GPAM: variants seen among roughly 807,000 people sequenced by gnomAD.
The protein encoded by GPAM is glycerol-3-phosphate acyltransferase, mitochondrial, also known as glycerol-3-phosphate acyltransferase 1, mitochondrial.
A neutral mutation model predicts 105.0 loss-of-function variants in GPAM; 56 were observed. That is an observed-to-expected ratio of 0.53 (90% CI 0.43 to 0.67). The LOEUF (loss-of-function observed/expected upper bound fraction) is 0.67. GPAM is among the 30% of genes least tolerant of loss of function. The pLI is 0.00. For synonymous variants in GPAM, 368 were observed against 354.4 expected, an observed-to-expected ratio of 1.04 and a Z score of -0.43; for missense variants, 855 against 989.8, an observed-to-expected ratio of 0.86 and a Z score of 1.83.
upstream of GPAM, among the ~76,000 whole-genome samples, chr10:112,219,262 T>C (rs908211085): frequency 6.6e-5 from 10 of 152,024 alleles, no homozygotes; most frequent in Admixed American, 3.3e-4. Context: ...AAGCTCTCCA[T>C]GGGGGTAGAG....
chr10:112,152,845 G>T lies in GPAM; in HGVS notation c.*705C>A. ...TCTGGCCAAGTTTCCCTAGAATTTT[G>T]CCAGCCAAATTAACTTCCTGATGTT... is the stretch of plus-strand genomic sequence containing the variant. On this transcript the variant is annotated 3_prime_UTR_variant, in exon 22 of 22. Coordinates refer to ENST00000348367, the MANE Select transcript of GPAM (RefSeq NM_001244949.2). 6.8e-6 allele frequency: 2 copies of T among 294,142 alleles called. No homozygotes were observed. The highest frequency in any genetic ancestry group is 1.0e-5 in the Non-Finnish European group (2 of 197,956). 18.2% of individuals were successfully genotyped at this position (294,142 alleles called of 1,614,324 possible). A position where few individuals can be genotyped will look rare whatever the true frequency, so the allele number is the denominator to read the frequency against.
intron 1 of GPAM, among the ~76,000 whole-genome samples, chr10:112,209,097 C>T (rs1259859299): frequency 6.6e-6 from 1 of 152,260 alleles, no homozygotes; most frequent in Non-Finnish European, 1.5e-5. Flanking sequence ...CTCTATGGTC[C>T]GGTCACATTT....
At chr10:112,201,208 C>A (rs1262121026) in intron 1 of GPAM, among the ~76,000 whole-genome samples, 2 of 152,184 alleles carry the variant, frequency 1.3e-5, no homozygotes. Context: ...GGGCTTGCCA[C>A]AGCCAAGAGC....
At chr10:112,199,153 A>G (rs893822093) in intron 1 of GPAM, among the ~76,000 whole-genome samples, 2 of 149,286 alleles carry the variant, frequency 1.3e-5, no homozygotes, top group Non-Finnish European at 3.0e-5. Flanking sequence ...ATGGGGTTTC[A>G]CCATGTTGCC....
chr10:112,168,613 G>GA (rs1199889898), intron 10 of GPAM, 89 bp from the exon 11 acceptor site: 33 of 906,634 alleles, frequency 3.6e-5, no homozygotes, highest in Middle Eastern at 2.2e-4. Flanking sequence ...AAGCAAAACA[G>GA]AAAAAACGAT....
intron 18 of GPAM, 105 bp from the exon 19 acceptor site, chr10:112,157,494 T>C: frequency 9.7e-7 from 1 of 1,027,346 alleles, no homozygotes; most frequent in African/African-American, 1.6e-5. Context: ...CCTTCCTGGC[T>C]CTTCTCTGTT....
At chr10:112,163,376 G>A (rs924530872) in intron 14 of GPAM, among the ~76,000 whole-genome samples, 1 of 152,188 alleles carries the variant, frequency 6.6e-6, no homozygotes, top group African/African-American at 2.4e-5. Flanking sequence ...AAATCTAGAC[G>A]TTGTACCACA....
At position 112,181,702 on chromosome 10, in the gene GPAM, T is replaced by C. The variant is rs199636297; in HGVS notation, c.83A>G (p.Lys28Arg). 1.2e-6 allele frequency: 2 copies of C among 1,600,114 alleles called. No individual in the cohort carries two copies. Among genetic ancestry groups the C allele is most frequent in the African/African-American group, 1.3e-5 (1 of 74,756 alleles). Reference sequence around the variant, plus strand: ...ACTTACCCATTCCTCACTTGTGTGCTTACATCGACCAACACTGTATTCTGA... The same window carrying C: ...ACTTACCCATTCCTCACTTGTGTGCCTACATCGACCAACACTGTATTCTGA... The part of the protein sequence containing the change: ...HSSEYSVGRC[K>R]HTSEEWGECG... The change falls in exon 3 of 22, where the codon AAG becomes AGG. Residue 28 changes from lysine (K) to arginine (R), a missense_variant. Coordinates refer to ENST00000348367, the MANE Select transcript of GPAM (RefSeq NM_001244949.2).
chr10:112,192,529 G>T (rs1377163482), intron 1 of GPAM, among the ~76,000 whole-genome samples: 1 of 152,186 alleles, frequency 6.6e-6, no homozygotes, highest in African/African-American at 2.4e-5. Context: ...AGCAGGGCCT[G>T]GCCAAGACAG....
chr10:112,199,091 G>A (rs1397661598), intron 1 of GPAM, among the ~76,000 whole-genome samples: 1 of 93,856 alleles, frequency 1.1e-5, no homozygotes, highest in Non-Finnish European at 2.6e-5. Context: ...CCTGGCTAAT[G>A]TGTGTGTGTG....
chr10:112,200,337 G>A (rs1478447774), intron 1 of GPAM, among the ~76,000 whole-genome samples: 1 of 151,452 alleles, frequency 6.6e-6, no homozygotes, highest in Non-Finnish European at 1.5e-5. Context: ...GCCGAGATTG[G>A]AGTGCAGTGG....
chr10:112,165,524 T>C (rs995927106), intron 12 of GPAM, among the ~76,000 whole-genome samples: 1 of 152,168 alleles, frequency 6.6e-6, no homozygotes, highest in Non-Finnish European at 1.5e-5. Flanking sequence ...ACCCCGTCTC[T>C]ACTAAAAATA....
chr10:112,151,318 C>T lies in GPAM; in HGVS notation c.*2232G>A, dbSNP rs566098641. The T allele has an allele frequency of 1.0e-6, 1 of 983,762 alleles. No homozygotes were observed. The highest frequency in any genetic ancestry group is 1.2e-6 in the Non-Finnish European group (1 of 829,154). 60.9% of individuals were successfully genotyped at this position (983,762 alleles called of 1,614,324 possible). The stretch of plus-strand genomic sequence containing the variant: ...ATCTGGAAGCTTCATTGTGAAGATG[C>T]TTTCGTTTTTTTGTTTTTTGTTTTC... On this transcript the variant is annotated 3_prime_UTR_variant, in exon 22 of 22. Coordinates refer to ENST00000348367, the MANE Select transcript of GPAM (RefSeq NM_001244949.2).
At chr10:112,190,885 C>T (rs1400431843) in intron 1 of GPAM, among the ~76,000 whole-genome samples, 1 of 152,092 alleles carries the variant, frequency 6.6e-6, no homozygotes, top group African/African-American at 2.4e-5. Context: ...ACACGACAGA[C>T]ACAGACAACT....
chr10:112,168,005 A>T (rs1280526331), intron 11 of GPAM, among the ~76,000 whole-genome samples: 1 of 152,192 alleles, frequency 6.6e-6, no homozygotes, highest in Non-Finnish European at 1.5e-5. Context: ...ATAACCTTCC[A>T]CAGCAGAGAT....
intron 16 of GPAM, 44 bp from the exon 17 acceptor site, chr10:112,160,097 C>T: frequency 6.3e-7 from 1 of 1,595,340 alleles, no homozygotes; most frequent in East Asian, 2.2e-5. Flanking sequence ...CTCAAAGTCT[C>T]CAAGAAAAAC....
chr10:112,155,450 T>A (rs1380490488), intron 20 of GPAM: 1 of 200,306 alleles, frequency 5.0e-6, no homozygotes, highest in African/African-American at 2.4e-5. Context: ...TGTTCCCACA[T>A]ACATGCTGTA....
At chr10:112,219,654 T>G (rs575444207), upstream of GPAM, among the ~76,000 whole-genome samples, 1 of 152,360 alleles carries the variant, frequency 6.6e-6, no homozygotes, top group Non-Finnish European at 1.5e-5. Context: ...TTATTACATT[T>G]TCCCTCCTGC....
At chr10:112,197,411 C>T (rs1483054827) in intron 1 of GPAM, among the ~76,000 whole-genome samples, 1 of 147,360 alleles carries the variant, frequency 6.8e-6, no homozygotes, top group African/African-American at 2.5e-5. Flanking sequence ...AGTTAACTTG[C>T]TCTCCTCTGT....
Sources: allele counts gnomAD v4.1 joint callset (sites outside exome capture counted in the v4.1 genomes callset), GRCh38; gene constraint gnomAD v4.1.1; transcripts MANE v1.5; gene names NCBI Gene and HGNC (gene_info 2026-07-23, HGNC 2026-07-21).